The following GPSM1 variants were observed in gnomAD, a reference collection of about 807,000 sequenced individuals.
GPSM1 encodes the protein G protein signaling modulator 1, also known as G protein-signaling modulator 1.
In GPSM1, 48 loss-of-function variants were observed where a neutral mutation model predicts 70.5. The observed-to-expected ratio is 0.68, with a 90% CI of 0.54 to 0.87. The LOEUF (loss-of-function observed/expected upper bound fraction) is 0.87. GPSM1 is among the 40% of genes least tolerant of loss of function. The pLI, the probability that GPSM1 is intolerant of heterozygous loss-of-function variation, is 0.00. For synonymous variants in GPSM1, 416 were observed against 430.1 expected (o/e 0.97, Z 0.41); for missense variants, 981 against 972.6 (o/e 1.01, Z -0.11).
rs1157008537 is a variant in GPSM1, at chr9:136,349,661, G to A, written c.1353G>A (p.Arg451=). 7 of 1,551,792 alleles carry A rather than the reference G, an allele frequency of 4.5e-6. No individual in the cohort carries two copies. Among genetic ancestry groups the A allele is most frequent in the Non-Finnish European group, 6.1e-6 (7 of 1,147,632 alleles). The change falls in exon 11 of 14, where the codon AGG becomes AGA. Residue 451 remains arginine, a synonymous_variant. Transcript: ENST00000440944. ...GGGACTCGCTACCCCTCCCCGTGAG[G>A]AGCAGGAAGTACCAGGAAGGCCCGG... is the stretch of plus-strand genomic sequence containing the variant. ...PSRDSLPLPV[R]SRKYQEGPDA...
At chr9:136,328,587 G>A (rs538898281) in intron 1 of GPSM1, among the ~76,000 whole-genome samples, 1 of 152,308 alleles carries the variant, frequency 6.6e-6, no homozygotes, top group Admixed American at 6.5e-5. Context: ...AGCTGATCCC[G>A]GGGGGCGCCT....
rs890505494 is a variant in GPSM1 at position 136,355,968 on chromosome 9, C to A, written c.1612+122C>A. The A allele has an allele frequency of 5.0e-6, 4 of 806,008 alleles. No individual in the cohort carries two copies. In the African/African-American group the frequency reaches 6.9e-5, roughly 14 times the overall value. The allele number at this position is 806,008 out of a possible 1,614,324, so 49.9% of individuals were successfully genotyped here. On this transcript the variant is annotated intron_variant, in intron 12 of 13. Coordinates refer to ENST00000440944, the MANE Select transcript of GPSM1 (RefSeq NM_001145638.3). ...AGACCAGCAGGCCAGCTGCAGAGCA[C>A]CCTGTCACTGAGGGCGCCCTCCGCA...
Position 136,346,953 on chromosome 9 carries a change from A to G in GPSM1, c.1208-1744A>G, listed in dbSNP as rs187784215. Among the ~76,000 whole-genome samples, 54 of 152,232 alleles carry G rather than the reference A, an allele frequency of 3.5e-4. No individual in the cohort carries two copies. The East Asian group carries it at 7.4e-3, about 21-fold the overall frequency. On this transcript the variant is annotated intron_variant, in intron 9 of 13. Transcript: ENST00000440944. ...AGGGCTAACGGTGGGGTCCGGGTGC[A>G]CCTGAGGCCCCGGCACCCTGCCTGG...
chr9:136,335,048 C>T (rs951660752), intron 2 of GPSM1, among the ~76,000 whole-genome samples: 1 of 152,066 alleles, frequency 6.6e-6, no homozygotes, highest in Non-Finnish European at 1.5e-5. Flanking sequence ...AGCTGACAGG[C>T]GTGAGTGGGT....
chr9:136,338,547 C>G lies in GPSM1; in HGVS notation c.819-8C>G. 1.9e-6 allele frequency: 3 copies of G among 1,608,554 alleles called. No homozygotes were observed. Among genetic ancestry groups the G allele is most frequent in the Non-Finnish European group, 2.5e-6 (3 of 1,177,436 alleles). On this transcript the variant is annotated splice_region_variant and splice_polypyrimidine_tract_variant and intron_variant, in intron 6 of 13. Coordinates refer to ENST00000440944, the MANE Select transcript of GPSM1 (RefSeq NM_001145638.3). ...CCTCCTGGGGGCTGACCCTGCCACT[C>G]TGCACAGGAAGACGCTGCAACTGTC...
In GPSM1 at chr9:136,341,351, G is replaced by C; in HGVS notation, c.1207+358G>C. 1 of 1,431,940 alleles carries C rather than the reference G, an allele frequency of 7.0e-7. No homozygotes were observed. 88.7% of individuals were successfully genotyped at this position (1,431,940 alleles called of 1,614,324 possible). On this transcript the variant is annotated intron_variant, in intron 9 of 13. Transcript: ENST00000440944. The surrounding 1 kb of genome is among the most constrained non-coding windows in gnomAD (Gnocchi z 6.7). ...GTAGGAGAGGGCTGCTGGGAGGCGA[G>C]AGGGCATCAGCCAGAGGGCTGGGCT...
At position 136,341,163 on chromosome 9, in the gene GPSM1, T is replaced by C; in HGVS notation, c.1207+170T>C. ...CCTCAGGGACAGCACAGGCCTGAGG[T>C]TCACCCTGAGCCCTTCCCACCCGCA... On this transcript the variant is annotated intron_variant, in intron 9 of 13. Coordinates refer to ENST00000440944, the MANE Select transcript of GPSM1 (RefSeq NM_001145638.3). This position sits in a 1 kb window ranked among gnomAD's most constrained non-coding sequence, Gnocchi z 6.7. 6.5e-7 allele frequency: 1 copy of C among 1,549,570 alleles called. No homozygotes were observed. Among genetic ancestry groups the C allele is most frequent in the Non-Finnish European group, 8.7e-7 (1 of 1,146,680 alleles).
intron 11 of GPSM1, among the ~76,000 whole-genome samples, chr9:136,351,388 C>T (rs1554772053): frequency 6.6e-6 from 1 of 152,144 alleles, no homozygotes; most frequent in African/African-American, 2.4e-5. Flanking sequence ...GCCCTGTCCA[C>T]AGCTGGCCCT....
intron 5 of GPSM1, 54 bp from the exon 6 acceptor site, chr9:136,337,792 C>T (rs986122141): frequency 6.5e-5 from 90 of 1,391,822 alleles, no homozygotes; most frequent in Admixed American, 4.2e-4. Context: ...TGTCCGCCCA[C>T]GTCAGGCCCC....
In GPSM1 at chr9:136,355,707, G is replaced by A. The variant is rs781968442; in HGVS notation, c.1473G>A (p.Pro491=). 33 of 1,612,294 alleles carry A rather than the reference G, an allele frequency of 2.0e-5. No homozygotes were observed. The highest frequency in any genetic ancestry group is 1.1e-4 in the South Asian group (10 of 91,066). ...CTCCCCAGAGCATCCCGAGGGCCCC[G>A]TCTTCGGACGAGGAGTGCTTCTTTG... The part of the protein sequence containing the change: ...HVPRTSIPRA[P]SSDEECFFDL... Residue 491 remains proline (P), a synonymous_variant, in exon 12 of 14, where the codon CCG becomes CCA. Transcript: ENST00000440944.
At chr9:136,346,054 GT>G (rs1471621685) in intron 9 of GPSM1, among the ~76,000 whole-genome samples, 2 of 152,240 alleles carry the variant, frequency 1.3e-5, no homozygotes, top group Admixed American at 1.3e-4. Context: ...GGGCGTTTGT[GT>G]TGGGAGTGGG....
intron 12 of GPSM1, 118 bp from the exon 13 acceptor site, chr9:136,356,223 GC>G (rs1172826401): frequency 1.3e-6 from 1 of 795,084 alleles, no homozygotes; most frequent in Non-Finnish European, 1.9e-6. Context: ...AGGAGCCATG[GC>G]CCCAGCAGCA....
Position 136,337,765 on chromosome 9 carries a change from G to T in GPSM1, c.703-81G>T, listed in dbSNP as rs1188247818. 6.0e-6 allele frequency: 7 copies of T among 1,170,690 alleles called. No homozygotes were observed. The Admixed American group carries it at 1.3e-4, about 22-fold the overall frequency. 72.5% of individuals were successfully genotyped at this position (1,170,690 alleles called of 1,614,324 possible). A position where few individuals can be genotyped will look rare whatever the true frequency, so the allele number is the denominator to read the frequency against. On this transcript the variant is annotated intron_variant, in intron 5 of 13. Transcript: ENST00000440944. ...ACACAGATCTCTGGCCGGCCACCTG[G>T]GCAGGGAGGCAGCCCCTGTCCGCCC...
intron 2 of GPSM1, 105 bp downstream of exon 2, chr9:136,334,773 GT>G: frequency 1.1e-6 from 1 of 904,646 alleles, no homozygotes; most frequent in South Asian, 1.5e-5. Context: ...TGCTGGCGCG[GT>G]GAGTGGGGAC....
chr9:136,355,639 TG>T, intron 11 of GPSM1, 50 bp from the exon 12 acceptor site: 1 of 1,570,694 alleles, frequency 6.4e-7, no homozygotes. Flanking sequence ...CGGTCTCGTC[TG>T]GGGGTCTGCG....
chr9:136,354,882 C>A, intron 11 of GPSM1: 1 of 1,013,682 alleles, frequency 9.9e-7, no homozygotes, highest in Non-Finnish European at 1.2e-6. Flanking sequence ...ACAGGAGGCA[C>A]GGGAGGCTTC....
rs1329789808 is a variant in GPSM1 at position 136,343,529 on chromosome 9, GC to G, written c.1207+2538del. 9.9e-5 allele frequency among the ~76,000 whole-genome samples: 15 copies of G among 152,218 alleles called. No homozygotes were observed. Among genetic ancestry groups the G allele is most frequent in the African/African-American group, 3.6e-4 (15 of 41,468 alleles). On this transcript the variant is annotated intron_variant, in intron 9 of 13. Coordinates refer to ENST00000440944, the MANE Select transcript of GPSM1 (RefSeq NM_001145638.3). This position sits in a 1 kb window ranked among gnomAD's most constrained non-coding sequence, Gnocchi z 6.0. ...TACACAAGAGTTACTGGGGGAGCAT[GC>G]CACCAGCCTTCCTGGGAGAAGTCCC...
rs782352584 is a variant in GPSM1 at position 136,356,475 on chromosome 9, T to A, written c.1746T>A (p.Asn582Lys). ...CGGGGCTGCGAATCACCCACAGCAA[T>A]GCAGGGCACCTCCGAGGCCACGGCG... is the stretch of plus-strand genomic sequence containing the variant. ...SLPGLRITHS[N>K]AGHLRGHGEP... Residue 582 changes from asparagine to lysine, a missense_variant, in exon 13 of 14, where the codon AAT becomes AAA. Physicochemically the swap from Asn to Lys is moderately conservative, Grantham distance 94. Coordinates refer to ENST00000440944, the MANE Select transcript of GPSM1 (RefSeq NM_001145638.3). 1.2e-6 allele frequency: 2 copies of A among 1,611,560 alleles called. No homozygotes were observed.
In GPSM1 at chr9:136,358,179, C is replaced by T; in HGVS notation, c.1987C>T (p.Pro663Ser). Residue 663 changes from proline (P) to serine (S), a missense_variant, in exon 14 of 14, where the codon CCG becomes TCG. By Grantham distance (74) the Pro-to-Ser change is moderately conservative. Coordinates refer to ENST00000440944, the MANE Select transcript of GPSM1 (RefSeq NM_001145638.3). ...AGGPEQGAGGPPEPQQQCQPG... is the reference protein window; with the variant it reads ...AGGPEQGAGGSPEPQQQCQPG... ...GGGCCCGGAGCAGGGGGCAGGCGGC[C>T]CGCCCGAGCCCCAGCAGCAGTGCCA... 6.4e-7 allele frequency: 1 copy of T among 1,571,124 alleles called. No homozygotes were observed. Among genetic ancestry groups the T allele is most frequent in the Non-Finnish European group, 8.6e-7 (1 of 1,161,006 alleles).
Sources: gnomAD v4.1 joint callset for allele counts (sites outside exome capture counted in the v4.1 genomes callset) on GRCh38, gnomAD v4.1.1 for gene constraint, Gnocchi (gnomAD v3.1) non-coding constraint, MANE v1.5 for transcripts, NCBI Gene and HGNC (gene_info 2026-07-23, HGNC 2026-07-21) for gene names.